The following RPGRIP1 variants were observed in gnomAD, a reference collection of about 807,000 sequenced individuals.
RPGRIP1 encodes X-linked retinitis pigmentosa GTPase regulator-interacting protein 1.
Under a neutral mutation model 157.9 loss-of-function variants are expected in RPGRIP1, and 128 were observed. The observed-to-expected ratio is 0.81, with a 90% CI of 0.70 to 0.94. RPGRIP1 has a LOEUF of 0.94. Among genes scored for constraint, RPGRIP1 ranks in the 40% least tolerant of loss-of-function variants. The pLI is 0.00. For synonymous variants in RPGRIP1, 554 were observed against 571.6 expected (o/e 0.97, Z 0.44); for missense variants, 1,486 against 1,545.8 (o/e 0.96, Z 0.65).
intron 21 of RPGRIP1, among the ~76,000 whole-genome samples, chr14:21,336,772 C>T (rs1054658233): frequency 3.3e-5 from 5 of 152,086 alleles, no homozygotes; most frequent in South Asian, 2.1e-4. Flanking sequence ...TTTTAAACTG[C>T]GCAACCTCTC....
chr14:21,342,486 G>A (rs1594264575), intron 21 of RPGRIP1, among the ~76,000 whole-genome samples: 1 of 151,178 alleles, frequency 6.6e-6, no homozygotes, highest in Admixed American at 6.6e-5. Context: ...CAAAGCTGCA[G>A]TGAACCATGA....
At chr14:21,344,633 G>A (rs1356439097) in intron 22 of RPGRIP1, among the ~76,000 whole-genome samples, 2 of 152,288 alleles carry the variant, frequency 1.3e-5, no homozygotes, top group South Asian at 2.1e-4. Flanking sequence ...ATTCAAGTGT[G>A]GAAATCTTTT....
chr14:21,285,760 GA>G (rs1042664035), intron 1 of RPGRIP1, among the ~76,000 whole-genome samples: 3 of 151,794 alleles, frequency 2.0e-5, no homozygotes, highest in Admixed American at 1.3e-4. Context: ...ACAGGCCCTG[GA>G]AAAAAAGTGT....
chr14:21,337,908 G>A (rs1405467809), intron 21 of RPGRIP1, among the ~76,000 whole-genome samples: 3 of 150,868 alleles, frequency 2.0e-5, no homozygotes, highest in Non-Finnish European at 4.4e-5. Context: ...GACACACGCT[G>A]TCACGTCCAG....
Position 21,292,183 on chromosome 14 carries a change from C to T in RPGRIP1, c.86-2494C>T, listed in dbSNP as rs74790049. On this transcript the variant is annotated intron_variant, in intron 2 of 24. Transcript: ENST00000400017. ...TTGATATCACAGGCATGAGCCACCG[C>T]GTCTGGCCTAAATATTTGTCATATA... Among the ~76,000 whole-genome samples, 221 of 152,258 alleles carry T rather than the reference C, an allele frequency of 1.5e-3. 5 individuals carry two copies. The East Asian group carries it at 0.034, about 23-fold the overall frequency.
intron 8 of RPGRIP1, 38 bp downstream of exon 8, chr14:21,310,645 C>T (rs1304425151): frequency 1.6e-6 from 2 of 1,280,036 alleles, no homozygotes; most frequent in Non-Finnish European, 2.2e-6. Context: ...TCTTAGTAAC[C>T]AGAATAATCA....
chr14:21,299,804 T>C (rs1338101855), intron 3 of RPGRIP1, among the ~76,000 whole-genome samples: 22 of 152,186 alleles, frequency 1.4e-4, no homozygotes, highest in Admixed American at 1.4e-3. Context: ...CAACAGACAT[T>C]GGTTTTCTCA....
intron 21 of RPGRIP1, among the ~76,000 whole-genome samples, chr14:21,335,196 A>G (rs79223293): frequency 0.03 from 4,602 of 152,214 alleles, 199 homozygotes; most frequent in African/African-American, 0.1. Context: ...CGGCTGGTAC[A>G]GTCAGATAAA....
chr14:21,319,204 C>G (rs531399861), intron 11 of RPGRIP1, among the ~76,000 whole-genome samples: 1 of 152,116 alleles, frequency 6.6e-6, no homozygotes, highest in Non-Finnish European at 1.5e-5. Flanking sequence ...CTAATTTAAT[C>G]CCTTCTCTAA....
In RPGRIP1 at chr14:21,310,608, GTA is replaced by G; in HGVS notation, c.930+2_930+3del. 6.9e-7 allele frequency: 1 copy of G among 1,459,612 alleles called. No individual in the cohort carries two copies. The highest frequency in any genetic ancestry group is 9.3e-7 in the Non-Finnish European group (1 of 1,076,160). 90.4% of individuals were successfully genotyped at this position (1,459,612 alleles called of 1,614,324 possible). On this transcript the variant is annotated splice_donor_variant and splice_donor_region_variant and intron_variant, in intron 8 of 24. Coordinates refer to ENST00000400017, the MANE Select transcript of RPGRIP1 (RefSeq NM_020366.4). LOFTEE classifies it high-confidence loss of function. ...GGCATACGAAACCTTGCTCCAGAAG[GTA>G]CTTAATGAGAATTGAGTCTCTGTTT...
At chr14:21,340,812 T>G (rs1884922440) in intron 21 of RPGRIP1, among the ~76,000 whole-genome samples, 1 of 152,192 alleles carries the variant, frequency 6.6e-6, no homozygotes, top group Non-Finnish European at 1.5e-5. Flanking sequence ...AGGCTTACTA[T>G]TAACATTTGC....
chr14:21,325,869 G>A lies in RPGRIP1; in HGVS notation c.2406G>A (p.Trp802Ter), dbSNP rs1883031542. Residue 802 changes from tryptophan to a stop codon, truncating the protein, a stop_gained, in exon 17 of 25, where the codon TGG becomes TGA. Transcript: ENST00000400017. LOFTEE classifies it high-confidence loss of function. Reference protein sequence around the residue: ...SESWEPQNELWIEITKCCGLR... With the variant: ...SESWEPQNEL ...CTTGGGAACCTCAGAACGAGCTGTG[G>A]ATTGAAATCACCAAGTGCTGTGGCC... 3 of 1,613,828 alleles carry A rather than the reference G, an allele frequency of 1.9e-6. No homozygotes were observed. Among genetic ancestry groups the A allele is most frequent in the Non-Finnish European group, 2.5e-6 (3 of 1,179,764 alleles).
intron 21 of RPGRIP1, among the ~76,000 whole-genome samples, chr14:21,335,360 A>C (rs1050622303): frequency 3.3e-5 from 5 of 151,906 alleles, no homozygotes; most frequent in African/African-American, 9.7e-5. Context: ...ATCTAAGGAA[A>C]ACGGGTTTGC....
In RPGRIP1 at chr14:21,330,403, A is replaced by G; in HGVS notation, c.3238+16A>G. 1 of 1,470,976 alleles carries G rather than the reference A, an allele frequency of 6.8e-7. No individual in the cohort carries two copies. Among genetic ancestry groups the G allele is most frequent in the Non-Finnish European group, 9.0e-7 (1 of 1,114,016 alleles). 91.1% of individuals were successfully genotyped at this position (1,470,976 alleles called of 1,614,324 possible). ...CCTGTAAATGGTATTGTCTTTTAAA[A>G]TCTATTTTTTTTCCTAGCACTTTGG... On this transcript the variant is annotated intron_variant, in intron 20 of 24. Coordinates refer to ENST00000400017, the MANE Select transcript of RPGRIP1 (RefSeq NM_020366.4).
chr14:21,344,906 A>G (rs565313778), intron 22 of RPGRIP1, among the ~76,000 whole-genome samples: 2 of 152,326 alleles, frequency 1.3e-5, no homozygotes, highest in East Asian at 3.9e-4. Context: ...AGATCACGCC[A>G]CTGCACTCTA....
chr14:21,314,052 A>G (rs1485405206), intron 10 of RPGRIP1, among the ~76,000 whole-genome samples: 2 of 151,394 alleles, frequency 1.3e-5, no homozygotes, highest in Admixed American at 1.3e-4. Flanking sequence ...GGCTCAAGCA[A>G]TCTTCCCACC....
At chr14:21,283,539 G>A (rs1020432305) in intron 1 of RPGRIP1, among the ~76,000 whole-genome samples, 6 of 152,134 alleles carry the variant, frequency 3.9e-5, no homozygotes, top group African/African-American at 1.4e-4. Flanking sequence ...CTGACCTTGT[G>A]ATCTGCCCGC....
At position 21,320,037 on chromosome 14, in the gene RPGRIP1, C is replaced by T; in HGVS notation, c.1327C>T (p.Leu443Phe). 1 of 1,612,392 alleles carries T rather than the reference C, an allele frequency of 6.2e-7. No homozygotes were observed. Among genetic ancestry groups the T allele is most frequent in the Non-Finnish European group, 8.5e-7 (1 of 1,179,174 alleles). ...REKAQNEDLK[L>F]EVTNILQKHK... The stretch of plus-strand genomic sequence containing the variant: ...CCCAGCCCAAAATGAGGATCTGAAG[C>T]TTGAAGTCACCAACATACTTCAGAA... The change falls in exon 12 of 25, where the codon CTT becomes TTT. Residue 443 changes from leucine (L) to phenylalanine (F), a missense_variant. Transcript: ENST00000400017.
intron 21 of RPGRIP1, among the ~76,000 whole-genome samples, chr14:21,335,544 A>G (rs1343938446): frequency 6.6e-6 from 1 of 152,180 alleles, no homozygotes; most frequent in East Asian, 1.9e-4. Context: ...TAAAAAAGAA[A>G]AAAAAGCCGG....
Sources: allele counts gnomAD v4.1 joint callset (sites outside exome capture counted in the v4.1 genomes callset), GRCh38; gene constraint gnomAD v4.1.1; transcripts MANE v1.5; gene names NCBI Gene and HGNC (gene_info 2026-07-23, HGNC 2026-07-21).